The following ANKRD13A variants were observed in gnomAD, a reference collection of about 807,000 sequenced individuals.
ANKRD13A encodes ankyrin repeat domain-containing protein 13A.
ANKRD13A carries 48 observed loss-of-function variants against 81.3 expected under a neutral mutation model. The observed-to-expected ratio is 0.59, with a 90% CI of 0.47 to 0.75. ANKRD13A has a LOEUF of 0.75. ANKRD13A is among the 30% of genes least tolerant of loss of function. ANKRD13A has a pLI of 0.00. For synonymous variants in ANKRD13A, 230 were observed against 270.1 expected, an observed-to-expected ratio of 0.85 and a Z score of 1.45; for missense variants, 612 against 734.0, an observed-to-expected ratio of 0.83 and a Z score of 1.92.
chr12:110,020,656 C>T (rs1891031057), intron 6 of ANKRD13A, among the ~76,000 whole-genome samples: 4 of 152,180 alleles, frequency 2.6e-5, no homozygotes, highest in South Asian at 2.1e-4. Flanking sequence ...TCCAGGCTTC[C>T]GCATACCCTT....
rs757215170 is a variant in ANKRD13A at position 110,027,722 on chromosome 12, G to C, written c.901G>C (p.Glu301Gln). The C allele has an allele frequency of 1.2e-6, 2 of 1,613,972 alleles. No homozygotes were observed. Among genetic ancestry groups the C allele is most frequent in the Non-Finnish European group, 1.7e-6 (2 of 1,180,020 alleles). ...KRYKADRNPLESLLGTVEHQF... is the reference protein window; with the variant it reads ...KRYKADRNPLQSLLGTVEHQF... ...CTCTGTAGCAGACAGGAACCCGCTGGAATCTTTGCTGGGAACTGTGGAACA... is the reference window on the plus strand; with the variant it reads ...CTCTGTAGCAGACAGGAACCCGCTGCAATCTTTGCTGGGAACTGTGGAACA... The change falls in exon 9 of 15, where the codon GAA (glutamate) becomes CAA (glutamine). Residue 301 changes from glutamate (E) to glutamine (Q), a missense_variant. Glu to Gln is a conservative substitution (Grantham distance 29). Coordinates refer to ENST00000261739, the MANE Select transcript of ANKRD13A (RefSeq NM_033121.2).
At chr12:110,026,024 C>T (rs1483397835) in intron 8 of ANKRD13A, among the ~76,000 whole-genome samples, 1 of 151,124 alleles carries the variant, frequency 6.6e-6, no homozygotes, top group Non-Finnish European at 1.5e-5. Flanking sequence ...TGCAGTGGCA[C>T]GACCTTGGCT....
At chr12:110,014,648 T>G in intron 3 of ANKRD13A, among the ~76,000 whole-genome samples, 1 of 152,236 alleles carries the variant, frequency 6.6e-6, no homozygotes, top group Non-Finnish European at 1.5e-5. Flanking sequence ...AGGTTGTCTT[T>G]GCTCATCATT....
chr12:110,025,946 C>A, intron 8 of ANKRD13A, 123 bp downstream of exon 8: 2 of 700,344 alleles, frequency 2.9e-6, no homozygotes, highest in Non-Finnish European at 4.6e-6. Flanking sequence ...CTAACCCTAA[C>A]TTCTTCTCTC....
intron 4 of ANKRD13A, among the ~76,000 whole-genome samples, chr12:110,017,615 C>T (rs1424730399): frequency 6.6e-6 from 1 of 152,102 alleles, no homozygotes; most frequent in East Asian, 1.9e-4. Context: ...CACATAGTCA[C>T]TCTTATTTCA....
chr12:110,008,678 A>T (rs1465009897), intron 1 of ANKRD13A, among the ~76,000 whole-genome samples: 1 of 152,182 alleles, frequency 6.6e-6, no homozygotes, highest in Non-Finnish European at 1.5e-5. Context: ...TGAGGTTAGG[A>T]GTTCAAGACC....
Position 110,038,141 on chromosome 12 carries a change from C to T in ANKRD13A, c.*587C>T, listed in dbSNP as rs1328426958. 1 of 152,628 alleles carries T rather than the reference C, an allele frequency of 6.6e-6. No homozygotes were observed. The highest frequency in any genetic ancestry group is 1.5e-5 in the Non-Finnish European group (1 of 68,072). 9.5% of individuals were successfully genotyped at this position (152,628 alleles called of 1,614,324 possible). A position where few individuals can be genotyped will look rare whatever the true frequency, so the allele number is the denominator to read the frequency against. On this transcript the variant is annotated 3_prime_UTR_variant, in exon 15 of 15. Transcript: ENST00000261739. ...CACCCAGCTAAAGTTAGAGGAGATA[C>T]ATATAGAATCTATTTTAGATTATTG...
chr12:110,037,309 C>A, intron 14 of ANKRD13A, 50 bp from the exon 15 acceptor site: 7 of 1,547,122 alleles, frequency 4.5e-6, no homozygotes, highest in Non-Finnish European at 6.2e-6. Context: ...CTGCTGCCAC[C>A]ATGATGATGA....
At position 109,999,588 on chromosome 12, in the gene ANKRD13A, CGCTT is replaced by C. The variant is rs1889832749; in HGVS notation, c.-97_-94del. ...CCGGCAGCGTAACACGCCCTACGCT[CGCTT>C]GCTCGCCGGCCTCAGGGCAGGCAGG... On this transcript the variant is annotated 5_prime_UTR_variant, in exon 1 of 15. Transcript: ENST00000261739. The surrounding 1 kb of genome is among the most constrained non-coding windows in gnomAD (Gnocchi z 4.3). 1.0e-6 allele frequency: 1 copy of C among 994,042 alleles called. No homozygotes were observed. The highest frequency in any genetic ancestry group is 3.3e-5 in the Admixed American group (1 of 29,946). 61.6% of individuals were successfully genotyped at this position (994,042 alleles called of 1,614,324 possible).
intron 1 of ANKRD13A, among the ~76,000 whole-genome samples, chr12:110,011,486 C>T (rs1024897882): frequency 1.3e-5 from 2 of 152,178 alleles, no homozygotes; most frequent in African/African-American, 4.8e-5. Context: ...CTTCAAGGCA[C>T]GTGGAACTCA....
Position 110,036,284 on chromosome 12 carries a change from T to G in ANKRD13A, c.1533T>G (p.Asn511Lys). 1 of 1,614,062 alleles carries G rather than the reference T, an allele frequency of 6.2e-7. No homozygotes were observed. Among genetic ancestry groups the G allele is most frequent in the Non-Finnish European group, 8.5e-7 (1 of 1,179,908 alleles). The change falls in exon 14 of 15, where the codon AAT becomes AAG. Residue 511 changes from asparagine to lysine, a missense_variant. By Grantham distance (94) the Asn-to-Lys change is moderately conservative. Coordinates refer to ENST00000261739, the MANE Select transcript of ANKRD13A (RefSeq NM_033121.2). This position sits in a 1 kb window ranked among gnomAD's most constrained non-coding sequence, Gnocchi z 4.6. ...RSQELSGPAS[N>K]GGISQTNTYD... is the part of the protein sequence containing the mutation. ...AGGAACTTTCAGGACCAGCTTCGAA[T>G]GGAGGGATCAGCCAGACAAACACCT...
At chr12:110,035,177 C>T (rs1404133762) in intron 13 of ANKRD13A, among the ~76,000 whole-genome samples, 2 of 152,164 alleles carry the variant, frequency 1.3e-5, no homozygotes, top group Non-Finnish European at 2.9e-5. Context: ...TTTCCTTTCC[C>T]TATGTAAGTG....
chr12:110,020,751 T>C (rs1891036028), intron 6 of ANKRD13A, among the ~76,000 whole-genome samples: 1 of 152,216 alleles, frequency 6.6e-6, no homozygotes, highest in Non-Finnish European at 1.5e-5. Flanking sequence ...CCACTGTTCA[T>C]CCGTAGGGAT....
chr12:110,011,732 C>T (rs1452377634), intron 1 of ANKRD13A, among the ~76,000 whole-genome samples: 1 of 152,156 alleles, frequency 6.6e-6, no homozygotes, highest in Non-Finnish European at 1.5e-5. Flanking sequence ...AGAGCTTAAA[C>T]TTGTGTTGGA....
Position 110,019,241 on chromosome 12 carries a change from T to C in ANKRD13A, c.647T>C (p.Met216Thr), listed in dbSNP as rs1181211109. ...QEMERLTLDL[M>T]KPKSREVERR... ...ATGGAGCGCCTCACTCTGGACTTGA[T>C]GAAGCCAAAAAGCAGGGAAGTTGAG... Residue 216 changes from methionine (M) to threonine (T), a missense_variant, in exon 6 of 15, where the codon ATG (methionine) becomes ACG (threonine). Met to Thr is a moderately conservative substitution (Grantham distance 81, BLOSUM62 -1). Transcript: ENST00000261739. The C allele has an allele frequency of 6.2e-7, 1 of 1,614,026 alleles. No individual in the cohort carries two copies. Among genetic ancestry groups the C allele is most frequent in the East Asian group, 2.2e-5 (1 of 44,898 alleles).
chr12:110,036,037 G>A lies in ANKRD13A; in HGVS notation c.1510-224G>A, dbSNP rs181631900. ...ATTTAAGAGACTGATTTTGTACAAA[G>A]GATGAGAAGGTTGTGGCTGTGAGTT... On this transcript the variant is annotated intron_variant, in intron 13 of 14. Transcript: ENST00000261739. This position sits in a 1 kb window ranked among gnomAD's most constrained non-coding sequence, Gnocchi z 4.6. Among the ~76,000 whole-genome samples, 64 of 152,296 alleles carry A rather than the reference G, an allele frequency of 4.2e-4. No homozygotes were observed. The highest frequency in any genetic ancestry group is 3.4e-3 in the Middle Eastern group (1 of 294).
intron 3 of ANKRD13A, among the ~76,000 whole-genome samples, chr12:110,015,955 T>TTC (rs922739205): frequency 1.6e-4 from 23 of 145,496 alleles, no homozygotes; most frequent in African/African-American, 5.4e-4. Flanking sequence ...TTTTCTTTCT[T>TTC]TTTTTTTTTT....
intron 1 of ANKRD13A, among the ~76,000 whole-genome samples, chr12:110,002,568 A>G (rs1384833505): frequency 6.6e-6 from 1 of 152,164 alleles, no homozygotes; most frequent in Non-Finnish European, 1.5e-5. Context: ...GTGAGCCAAG[A>G]TCGTGCCACT....
At chr12:110,013,866 T>G (rs1890651438) in intron 3 of ANKRD13A, among the ~76,000 whole-genome samples, 1 of 151,698 alleles carries the variant, frequency 6.6e-6, no homozygotes, top group African/African-American at 2.4e-5. Context: ...CATCAAACAG[T>G]TAATTTGTTT....
Sources: gnomAD v4.1 joint callset for allele counts (sites outside exome capture counted in the v4.1 genomes callset) on GRCh38, gnomAD v4.1.1 for gene constraint, Gnocchi (gnomAD v3.1) non-coding constraint, MANE v1.5 for transcripts, NCBI Gene and HGNC (gene_info 2026-07-23, HGNC 2026-07-21) for gene names.